The following ZFYVE28 variants were observed in gnomAD, a reference collection of about 807,000 sequenced individuals.
ZFYVE28 encodes the protein zinc finger FYVE-type containing 28, also known as lateral signaling target protein 2 homolog.
In ZFYVE28, 40 loss-of-function variants were observed where a neutral mutation model predicts 82.1. The ratio of observed to expected loss-of-function variants is 0.49; its 90% CI spans 0.38 to 0.63. The LOEUF is 0.63. ZFYVE28 is among the 30% of genes least tolerant of loss of function. ZFYVE28 has a pLI of 0.00. For missense variants in ZFYVE28, 1,321 were observed against 1,242.1 expected (o/e 1.06, Z -0.96); for synonymous variants, 612 against 546.1 (o/e 1.12, Z -1.68).
intron 7 of ZFYVE28, among the ~76,000 whole-genome samples, chr4:2,312,681 C>G (rs1207974922): frequency 7.3e-6 from 1 of 137,670 alleles, no homozygotes; most frequent in South Asian, 2.3e-4. Flanking sequence ...TGAGCGAGAT[C>G]GCGCCACTGC....
Position 2,305,202 on chromosome 4 carries a change from C to G in ZFYVE28, c.1138G>C (p.Gly380Arg). The G allele has an allele frequency of 2.5e-6, 4 of 1,604,320 alleles. No individual in the cohort carries two copies. The highest frequency in any genetic ancestry group is 3.4e-6 in the Non-Finnish European group (4 of 1,173,612). The change falls in exon 8 of 13, where the codon GGC becomes CGC. Residue 380 changes from glycine (G) to arginine (R), a missense_variant. Gly to Arg is a moderately radical substitution (Grantham distance 125, BLOSUM62 -2). Transcript: ENST00000290974. ...AHRPGAEGSP[G>R]GEASPGRPRL... ...GGTCTACCTGGAGAGGCCTCCCCGC[C>G]TGGGCTGCCCTCCGCTCCTGGCCTG...
At chr4:2,316,067 G>C (rs980074442) in intron 7 of ZFYVE28, 1 of 151,958 alleles carries the variant, frequency 6.6e-6, no homozygotes, top group Admixed American at 6.6e-5. Context: ...TGTTCTGCTG[G>C]GTCCGATCTG....
rs1715299435 is a variant in ZFYVE28 at position 2,300,192 on chromosome 4, A to C, written c.2051+4097T>G. On this transcript the variant is annotated intron_variant, in intron 8 of 12. Coordinates refer to ENST00000290974, the MANE Select transcript of ZFYVE28 (RefSeq NM_020972.3). This position sits in a 1 kb window ranked among gnomAD's most constrained non-coding sequence, Gnocchi z 4.6. ...CAGTGTTACTTTTTGCAGAAGGCAAAGGCTGGAAATCCACTTCATGGTGTC... is the reference window on the plus strand; with the variant it reads ...CAGTGTTACTTTTTGCAGAAGGCAACGGCTGGAAATCCACTTCATGGTGTC... Among the ~76,000 whole-genome samples the C allele has an allele frequency of 6.6e-6, 1 of 152,238 alleles. No individual in the cohort carries two copies. The highest frequency in any genetic ancestry group is 2.4e-5 in the African/African-American group (1 of 41,464).
rs1381578583 is a variant in ZFYVE28 at position 2,300,453 on chromosome 4, C to T, written c.2051+3836G>A. ...AAGGGCGTAGGTTCCAGAACATTCA[C>T]ATCTGCAAGGCTGATTCACTGCTGT... On this transcript the variant is annotated intron_variant, in intron 8 of 12. Coordinates refer to ENST00000290974, the MANE Select transcript of ZFYVE28 (RefSeq NM_020972.3). The surrounding 1 kb of genome is among the most constrained non-coding windows in gnomAD (Gnocchi z 4.6). Among the ~76,000 whole-genome samples the T allele has an allele frequency of 6.6e-6, 1 of 152,198 alleles. No homozygotes were observed. Among genetic ancestry groups the T allele is most frequent in the Non-Finnish European group, 1.5e-5 (1 of 68,036 alleles).
intron 1 of ZFYVE28, among the ~76,000 whole-genome samples, chr4:2,402,193 G>A (rs546469759): frequency 3.3e-5 from 5 of 152,214 alleles, no homozygotes; most frequent in South Asian, 2.1e-4. Context: ...ACCAGGCACC[G>A]CACAGACAGC....
chr4:2,393,899 A>C (rs912258201), intron 1 of ZFYVE28, among the ~76,000 whole-genome samples: 1 of 152,224 alleles, frequency 6.6e-6, no homozygotes, highest in Non-Finnish European at 1.5e-5. Context: ...TAAGATGACA[A>C]CATTCACATC....
intron 1 of ZFYVE28, among the ~76,000 whole-genome samples, chr4:2,387,097 G>A (rs987687537): frequency 6.7e-6 from 1 of 149,334 alleles, no homozygotes; most frequent in Non-Finnish European, 1.5e-5. Context: ...CCTGGAGGAG[G>A]GGGCTGAGCC....
chr4:2,337,452 T>C lies in ZFYVE28; in HGVS notation c.566A>G (p.Tyr189Cys). 1 of 1,610,816 alleles carries C rather than the reference T, an allele frequency of 6.2e-7. No individual in the cohort carries two copies. The highest frequency in any genetic ancestry group is 8.5e-7 in the Non-Finnish European group (1 of 1,178,354). ...GAGCACGATGACCTCCTGCTGCACG[T>C]AGTACTCCCTGGGGGACTTCACAGG... ...MVPVKSPREYYVQQEVIVLFC... is the reference protein window; with the variant it reads ...MVPVKSPREYCVQQEVIVLFC... The change falls in exon 5 of 13, where the codon TAC (tyrosine) becomes TGC (cysteine). Residue 189 changes from tyrosine (Y) to cysteine (C), a missense_variant. By Grantham distance (194) the Tyr-to-Cys change is radical (BLOSUM62 -2). This residue lies in a region of ZFYVE28 where 343 missense variants were observed against 408.4 expected (regional missense o/e 0.84). Coordinates refer to ENST00000290974, the MANE Select transcript of ZFYVE28 (RefSeq NM_020972.3).
intron 10 of ZFYVE28, 81 bp downstream of exon 10, chr4:2,273,092 G>C (rs148909849): frequency 0.011 from 13,349 of 1,195,660 alleles, 117 homozygotes; most frequent in Non-Finnish European, 0.013. Flanking sequence ...CAGAAGGTGT[G>C]GATTTCTGAG....
chr4:2,384,583 G>A (rs1322709572), intron 1 of ZFYVE28, among the ~76,000 whole-genome samples: 1 of 152,172 alleles, frequency 6.6e-6, no homozygotes, highest in African/African-American at 2.4e-5. Context: ...TCCTGAGGGA[G>A]TGCTGGATGG....
intron 1 of ZFYVE28, among the ~76,000 whole-genome samples, chr4:2,398,036 A>AGGGGGGGG (rs11444538): frequency 8.2e-6 from 1 of 121,406 alleles, no homozygotes; most frequent in Admixed American, 8.2e-5. Flanking sequence ...GTGAGATGGG[A>AGGGGGGGG]GGGGGGGTCC....
chr4:2,371,435 A>C (rs1346363292), intron 1 of ZFYVE28, among the ~76,000 whole-genome samples: 1 of 152,192 alleles, frequency 6.6e-6, no homozygotes, highest in Non-Finnish European at 1.5e-5. Context: ...GCTCTCACCA[A>C]TGTGTCATTT....
At chr4:2,412,773 C>A (rs1028767536) in intron 1 of ZFYVE28, among the ~76,000 whole-genome samples, 4 of 152,158 alleles carry the variant, frequency 2.6e-5, no homozygotes, top group Non-Finnish European at 5.9e-5. Flanking sequence ...CAAGCACATC[C>A]GGTATTCTGG....
rs1208837568 is a variant in ZFYVE28, at chr4:2,273,238, A to C, written c.2258T>G (p.Leu753Arg). 6.2e-7 allele frequency: 1 copy of C among 1,613,710 alleles called. No homozygotes were observed. Among genetic ancestry groups the C allele is most frequent in the East Asian group, 2.2e-5 (1 of 44,902 alleles). ...GGCCATGACCTCAAACAGTGTTTTA[A>C]GAATACTTCTCAGGTCACTGGCATA... ...TNYASDLRSI[L>R]KTLFEVMATK... is the part of the protein sequence containing the mutation. Residue 753 changes from leucine (L) to arginine (R), a missense_variant, in exon 10 of 13, where the codon CTT becomes CGT. Leu to Arg is a moderately radical substitution (Grantham distance 102). Transcript: ENST00000290974.
intron 6 of ZFYVE28, among the ~76,000 whole-genome samples, chr4:2,327,402 G>A (rs1327916466): frequency 6.6e-6 from 1 of 150,462 alleles, no homozygotes; most frequent in Non-Finnish European, 1.5e-5. Context: ...CTTTGGCAAG[G>A]ACTTTCAATA....
At position 2,409,691 on chromosome 4, in the gene ZFYVE28, T is replaced by G. The variant is rs888602162; in HGVS notation, c.39+8594A>C. On this transcript the variant is annotated intron_variant, in intron 1 of 12. Transcript: ENST00000290974. This position sits in a 1 kb window ranked among gnomAD's most constrained non-coding sequence, Gnocchi z 4.4. ...AAGGCTGAGTCCAGTACACCCACGG[T>G]GGGGTGGGGGGGCTGACCCCTGCGG... Among the ~76,000 whole-genome samples the G allele has an allele frequency of 2.0e-5, 3 of 152,118 alleles. No individual in the cohort carries two copies. Among genetic ancestry groups the G allele is most frequent in the Non-Finnish European group, 4.4e-5 (3 of 68,008 alleles).
At chr4:2,308,773 GAGGA>G (rs1171598604) in intron 7 of ZFYVE28, among the ~76,000 whole-genome samples, 2 of 151,668 alleles carry the variant, frequency 1.3e-5, no homozygotes, top group Non-Finnish European at 2.9e-5. Flanking sequence ...AAGAGGGAGG[GAGGA>G]AGGAAGGAAG....
intron 2 of ZFYVE28, among the ~76,000 whole-genome samples, chr4:2,343,935 T>C (rs1474400208): frequency 1.3e-5 from 2 of 152,176 alleles, no homozygotes; most frequent in Non-Finnish European, 2.9e-5. Flanking sequence ...AAGAAACACT[T>C]GCTAGGACTT....
At chr4:2,294,823 C>T (rs146251251) in intron 8 of ZFYVE28, among the ~76,000 whole-genome samples, 6 of 152,248 alleles carry the variant, frequency 3.9e-5, no homozygotes, top group East Asian at 1.9e-4. Flanking sequence ...GCACATGAAG[C>T]GACGCTTGAG....
Sources: gnomAD v4.1 joint callset for allele counts (sites outside exome capture counted in the v4.1 genomes callset) on GRCh38, gnomAD v4.1.1 for gene constraint, gnomAD v4.1.1 regional missense constraint, Gnocchi (gnomAD v3.1) non-coding constraint, MANE v1.5 for transcripts, NCBI Gene and HGNC (gene_info 2026-07-23, HGNC 2026-07-21) for gene names.